The following ARMH3 variants were observed in gnomAD, a reference collection of about 807,000 sequenced individuals.
The protein encoded by ARMH3 is armadillo-like helical domain-containing protein 3.
In ARMH3, 60 loss-of-function variants were observed where a neutral mutation model predicts 99.1. That is an observed-to-expected ratio of 0.61 (90% confidence interval 0.49 to 0.75). ARMH3 has a LOEUF of 0.75. Ranked by LOEUF, ARMH3 falls within the 30% of genes least tolerant of loss-of-function variation. The probability of loss-of-function intolerance (pLI) is 0.00; values close to 1 mark genes in which losing one functional copy is unlikely to be tolerated. For synonymous variants in ARMH3, 285 were observed against 292.8 expected (o/e 0.97, Z 0.27); for missense variants, 679 against 843.1 (o/e 0.81, Z 2.41).
At chr10:101,902,076 C>T (rs1186123443) in intron 23 of ARMH3, among the ~76,000 whole-genome samples, 1 of 152,166 alleles carries the variant, frequency 6.6e-6, no homozygotes, top group East Asian at 1.9e-4. Flanking sequence ...AAATCCACTG[C>T]TTGCTAGAAT....
At chr10:101,940,612 C>G (rs1318985981) in intron 22 of ARMH3, among the ~76,000 whole-genome samples, 1 of 152,116 alleles carries the variant, frequency 6.6e-6, no homozygotes, top group Non-Finnish European at 1.5e-5. Flanking sequence ...TCCCTCCACC[C>G]CACAACAGGT....
chr10:101,961,200 G>A (rs1219784852), intron 20 of ARMH3, among the ~76,000 whole-genome samples: 12 of 152,120 alleles, frequency 7.9e-5, no homozygotes, highest in Non-Finnish European at 1.2e-4. Flanking sequence ...TGCTCAGCAC[G>A]AGCCACCTCA....
intron 22 of ARMH3, among the ~76,000 whole-genome samples, chr10:101,944,259 TATATATATATATATAG>T (rs1844381920): frequency 1.5e-5 from 1 of 65,990 alleles, no homozygotes; most frequent in African/African-American, 7.3e-5. Context: ...TATATATATA[TATATATATATATATAG>T]AGAGAGAGAG....
At chr10:101,915,036 T>C (rs943843127) in intron 23 of ARMH3, among the ~76,000 whole-genome samples, 1 of 152,132 alleles carries the variant, frequency 6.6e-6, no homozygotes, top group Non-Finnish European at 1.5e-5. Context: ...AGAAACCATT[T>C]GACATAGATG....
At chr10:101,927,723 G>A (rs1426074131) in intron 23 of ARMH3, among the ~76,000 whole-genome samples, 1 of 152,182 alleles carries the variant, frequency 6.6e-6, no homozygotes, top group Non-Finnish European at 1.5e-5. Flanking sequence ...GAGCCCAGGA[G>A]TTCAAGACCA....
intron 20 of ARMH3, among the ~76,000 whole-genome samples, chr10:101,967,455 T>A (rs1301408458): frequency 6.6e-6 from 1 of 152,148 alleles, no homozygotes; most frequent in African/African-American, 2.4e-5. Flanking sequence ...TTAAAAATAC[T>A]CAGCCAGATG....
intron 2 of ARMH3, among the ~76,000 whole-genome samples, chr10:102,034,839 C>T (rs1289228686): frequency 1.3e-4 from 20 of 151,560 alleles, no homozygotes; most frequent in Admixed American, 6.6e-5. Context: ...ACCCAGGAGG[C>T]AGAGGTCACG....
chr10:101,909,837 C>A (rs748755173), intron 23 of ARMH3, among the ~76,000 whole-genome samples: 1 of 151,780 alleles, frequency 6.6e-6, no homozygotes, highest in Admixed American at 6.6e-5. Context: ...TCTATATATA[C>A]CTATTATGTA....
chr10:101,940,867 C>T (rs1844212589), intron 22 of ARMH3, among the ~76,000 whole-genome samples: 2 of 152,292 alleles, frequency 1.3e-5, no homozygotes, highest in South Asian at 2.1e-4. Context: ...ATCTTCAGAG[C>T]CACACATGCC....
chr10:101,964,702 C>T (rs977221251), intron 20 of ARMH3, among the ~76,000 whole-genome samples: 2 of 152,096 alleles, frequency 1.3e-5, no homozygotes, highest in Non-Finnish European at 2.9e-5. Context: ...CAGGGTCTGG[C>T]ATGAGGGGGA....
At chr10:102,050,933 C>T (rs1019913897) in intron 1 of ARMH3, among the ~76,000 whole-genome samples, 1 of 150,364 alleles carries the variant, frequency 6.7e-6, no homozygotes, top group Non-Finnish European at 1.5e-5. Context: ...CGAGGCAGAT[C>T]ACTTAAGAGT....
chr10:101,958,785 G>A (rs528517106), intron 20 of ARMH3, among the ~76,000 whole-genome samples: 1 of 152,264 alleles, frequency 6.6e-6, no homozygotes, highest in African/African-American at 2.4e-5. Context: ...TACTCTTAAA[G>A]TAGAGATGTG....
intron 22 of ARMH3, among the ~76,000 whole-genome samples, chr10:101,950,903 G>C (rs184746689): frequency 1.3e-5 from 2 of 152,250 alleles, no homozygotes; most frequent in African/African-American, 4.8e-5. Flanking sequence ...TCTGACTATA[G>C]TGAAACTCAC....
At chr10:102,036,448 G>A (rs1428330483) in intron 2 of ARMH3, among the ~76,000 whole-genome samples, 1 of 152,308 alleles carries the variant, frequency 6.6e-6, no homozygotes, top group Middle Eastern at 3.4e-3. Flanking sequence ...GGAAAGGTGG[G>A]GAAAAGCTAG....
chr10:102,041,090 A>ATATAAT (rs1554897209), intron 1 of ARMH3, among the ~76,000 whole-genome samples: 4 of 132,642 alleles, frequency 3.0e-5, no homozygotes, highest in South Asian at 2.4e-4. Context: ...ATATATATAT[A>ATATAAT]ATATATATAT....
chr10:101,924,476 C>T (rs968652409), intron 23 of ARMH3, among the ~76,000 whole-genome samples: 3 of 151,216 alleles, frequency 2.0e-5, no homozygotes, highest in Admixed American at 2.0e-4. Flanking sequence ...ATTCTCCTGC[C>T]TCAGCCTCCC....
At chr10:101,955,662 TA>T (rs1844997768) in intron 22 of ARMH3, among the ~76,000 whole-genome samples, 1 of 152,176 alleles carries the variant, frequency 6.6e-6, no homozygotes, top group African/African-American at 2.4e-5. Context: ...TTTTCACAAT[TA>T]ATCTCATCAC....
intron 25 of ARMH3, among the ~76,000 whole-genome samples, 195 bp downstream of exon 25, chr10:101,849,581 A>G (rs537082909): frequency 6.6e-6 from 1 of 152,314 alleles, no homozygotes; most frequent in South Asian, 2.1e-4. Flanking sequence ...ATGGCTGCAA[A>G]GGAGAAGTAG....
At chr10:101,892,375 C>G (rs1241433584) in intron 23 of ARMH3, among the ~76,000 whole-genome samples, 13 of 152,172 alleles carry the variant, frequency 8.5e-5, no homozygotes, top group Non-Finnish European at 1.9e-4. Flanking sequence ...GGGAGGATCA[C>G]TTGAGCCCAG....
Sources: allele counts gnomAD v4.1 joint callset (sites outside exome capture counted in the v4.1 genomes callset), GRCh38; gene constraint gnomAD v4.1.1; transcripts MANE v1.5; gene names NCBI Gene and HGNC (gene_info 2026-07-23, HGNC 2026-07-21).